Variants in DIP2B observed in about 807,000 individuals in gnomAD.
The protein encoded by DIP2B is disco-interacting protein 2 homolog B.
Under a neutral mutation model 198.0 loss-of-function variants are expected in DIP2B, and 76 were observed. The ratio of observed to expected loss-of-function variants is 0.38; its 90% CI spans 0.32 to 0.46. The LOEUF (loss-of-function observed/expected upper bound fraction) is 0.46. Among genes scored for constraint, DIP2B ranks in the 20% least tolerant of loss-of-function variants. The probability of loss-of-function intolerance (pLI) is 0.99; values close to 1 mark genes in which losing one functional copy is unlikely to be tolerated. For missense variants in DIP2B, 1,559 were observed against 1,978.4 expected (o/e 0.79, Z 4.02); for synonymous variants, 701 against 739.1 (o/e 0.95, Z 0.84).
chr12:50,602,359 C>T (rs923618888), intron 1 of DIP2B, among the ~76,000 whole-genome samples: 2 of 152,138 alleles, frequency 1.3e-5, no homozygotes, highest in Non-Finnish European at 2.9e-5. Flanking sequence ...GTCTCTGCCC[C>T]TGGGACTCAA....
intron 1 of DIP2B, among the ~76,000 whole-genome samples, chr12:50,623,666 T>A (rs1360220164): frequency 6.6e-6 from 1 of 152,204 alleles, no homozygotes; most frequent in Admixed American, 6.5e-5. Context: ...CGGAATCAGA[T>A]GATGTTATAC....
intron 1 of DIP2B, among the ~76,000 whole-genome samples, chr12:50,526,626 CTTTTTTTTTTTTTTTT>C (rs11423846): frequency 1.6e-5 from 1 of 64,182 alleles, no homozygotes; most frequent in African/African-American, 7.0e-5. Context: ...TTTCCTCTGC[CTTTTTTTTTTTTTTTT>C]TTTTTTTTTT....
chr12:50,593,691 T>TTCTCCTCTCC (rs1486489653), intron 1 of DIP2B, among the ~76,000 whole-genome samples: 5 of 88,902 alleles, frequency 5.6e-5, no homozygotes, highest in Non-Finnish European at 8.9e-5. Flanking sequence ...ATACACTCTT[T>TTCTCCTCTCC]TCTCCTCTCC....
intron 3 of DIP2B, among the ~76,000 whole-genome samples, chr12:50,657,628 C>CAA (rs530054510): frequency 7.5e-6 from 1 of 132,782 alleles, no homozygotes. Context: ...CCCATCTTTA[C>CAA]AAAAAAAAAA....
chr12:50,571,803 C>A (rs926646031), intron 1 of DIP2B, among the ~76,000 whole-genome samples: 10 of 152,246 alleles, frequency 6.6e-5, no homozygotes, highest in African/African-American at 2.4e-4. Flanking sequence ...CGTGATCCTC[C>A]TGCCTCGGCC....
chr12:50,544,548 C>T (rs1179238943), intron 1 of DIP2B, among the ~76,000 whole-genome samples: 1 of 151,980 alleles, frequency 6.6e-6, no homozygotes, highest in Admixed American at 6.6e-5. Flanking sequence ...CCTTGTGATT[C>T]ACCTGTCTTG....
intron 3 of DIP2B, among the ~76,000 whole-genome samples, chr12:50,652,967 G>A (rs1938483909): frequency 6.7e-6 from 1 of 150,280 alleles, no homozygotes; most frequent in African/African-American, 2.5e-5. Context: ...TTAAAGAAAC[G>A]GGGTCTCCCT....
At chr12:50,571,812 C>A (rs1054066582) in intron 1 of DIP2B, among the ~76,000 whole-genome samples, 7 of 152,164 alleles carry the variant, frequency 4.6e-5, no homozygotes, top group Non-Finnish European at 5.9e-5. Context: ...CCTGCCTCGG[C>A]CTCCCAAAAT....
chr12:50,633,330 C>T (rs1938097824), intron 2 of DIP2B: 2 of 151,968 alleles, frequency 1.3e-5, no homozygotes, highest in South Asian at 4.1e-4. Flanking sequence ...TTAGTATGGC[C>T]CCTGTGCAAT....
intron 1 of DIP2B, among the ~76,000 whole-genome samples, chr12:50,545,660 T>G (rs1958370744): frequency 6.6e-6 from 1 of 151,738 alleles, no homozygotes; most frequent in South Asian, 2.1e-4. Context: ...TAACTTTTAT[T>G]TTTTGGAGGC....
At chr12:50,719,977 C>G (rs987585010) in intron 25 of DIP2B, among the ~76,000 whole-genome samples, 7 of 150,144 alleles carry the variant, frequency 4.7e-5, no homozygotes, top group Non-Finnish European at 4.4e-5. Flanking sequence ...GTCACCTGGG[C>G]TGGAGTGCAG....
At chr12:50,578,730 G>T (rs1287641751) in intron 1 of DIP2B, among the ~76,000 whole-genome samples, 2 of 151,214 alleles carry the variant, frequency 1.3e-5, no homozygotes, top group Non-Finnish European at 3.0e-5. Context: ...GGATGGTCTC[G>T]ATCTCCTGAC....
At chr12:50,621,055 G>A (rs1271232234) in intron 1 of DIP2B, among the ~76,000 whole-genome samples, 1 of 152,204 alleles carries the variant, frequency 6.6e-6, no homozygotes, top group African/African-American at 2.4e-5. Flanking sequence ...ATTTTTGCAA[G>A]TTCCTTGGGA....
At chr12:50,555,732 T>C (rs1748938120) in intron 1 of DIP2B, among the ~76,000 whole-genome samples, 2 of 152,054 alleles carry the variant, frequency 1.3e-5, no homozygotes, top group South Asian at 4.1e-4. Flanking sequence ...CACCTCTTGT[T>C]TCCTTTCACC....
chr12:50,675,911 T>C (rs1395276887), intron 7 of DIP2B, among the ~76,000 whole-genome samples: 2 of 152,216 alleles, frequency 1.3e-5, no homozygotes, highest in African/African-American at 4.8e-5. Context: ...CAAAGATTTA[T>C]AAAAATACAG....
rs980885919 is a variant in DIP2B, at chr12:50,542,267, A to G, written c.100+37027A>G. 5.1e-4 allele frequency among the ~76,000 whole-genome samples: 77 copies of G among 150,628 alleles called. 1 individual carries two copies. The highest frequency in any genetic ancestry group is 6.6e-5 in the Admixed American group (1 of 15,088). ...CCGTCTCAAAAAAAAAAAAAAAAAG[A>G]AAAAAAAGAAAAAAGAAAATCTCAA... is the stretch of plus-strand genomic sequence containing the variant. On this transcript the variant is annotated intron_variant, in intron 1 of 37. Coordinates refer to ENST00000301180, the MANE Select transcript of DIP2B (RefSeq NM_173602.3).
intron 1 of DIP2B, among the ~76,000 whole-genome samples, chr12:50,585,575 G>A (rs1165939885): frequency 6.6e-6 from 1 of 152,214 alleles, no homozygotes; most frequent in East Asian, 1.9e-4. Context: ...TGCCTTAGAA[G>A]ACTAGGTCAG....
intron 14 of DIP2B, 84 bp downstream of exon 14, chr12:50,693,097 T>A: frequency 7.5e-7 from 1 of 1,326,058 alleles, no homozygotes. Flanking sequence ...CATCTCTCAG[T>A]GCTTGTTTGA....
In DIP2B at chr12:50,674,475, G is replaced by T; in HGVS notation, c.642G>T (p.Glu214Asp). The T allele has an allele frequency of 6.2e-7, 1 of 1,614,114 alleles. No individual in the cohort carries two copies. Among genetic ancestry groups the T allele is most frequent in the Non-Finnish European group, 8.5e-7 (1 of 1,180,002 alleles). ...LADVFANTRIENFSAPPDVTT... is the reference protein window; with the variant it reads ...LADVFANTRIDNFSAPPDVTT... ...CTAAACTTTGTTTTCTCCTCTCAGA[G>T]AATTTCTCTGCTCCTCCTGATGTCA... The change falls in exon 6 of 38, where the codon GAG (glutamate) becomes GAT (aspartate). Residue 214 changes from glutamate to aspartate, a missense_variant and splice_region_variant. By Grantham distance (45) the Glu-to-Asp change is conservative. Coordinates refer to ENST00000301180, the MANE Select transcript of DIP2B (RefSeq NM_173602.3).
Sources: gnomAD v4.1 joint callset for allele counts (sites outside exome capture counted in the v4.1 genomes callset) on GRCh38, gnomAD v4.1.1 for gene constraint, MANE v1.5 for transcripts, NCBI Gene and HGNC (gene_info 2026-07-23, HGNC 2026-07-21) for gene names.